WIPF1: variants seen among roughly 807,000 people sequenced by gnomAD.
WIPF1 encodes the protein WAS/WASL-interacting protein family member 1.
A neutral mutation model predicts 35.4 loss-of-function variants in WIPF1; 13 were observed. That is an observed-to-expected ratio of 0.37 (90% CI 0.24 to 0.58). The LOEUF (loss-of-function observed/expected upper bound fraction) is 0.58. WIPF1 is among the 20% of genes least tolerant of loss of function. WIPF1 has a pLI of 0.74. For missense variants in WIPF1, 591 were observed against 667.0 expected (o/e 0.89, Z 1.25); for synonymous variants, 267 against 266.3 (o/e 1.00, Z -0.02).
rs1307189297 is a variant in WIPF1 at position 174,581,084 on chromosome 2, T to C, written c.181+226A>G. ...TGAATAATGCAGAGAATTGCTGCTG[T>C]GTATGTCTTGGACAAAGAATTATTA... On this transcript the variant is annotated intron_variant, in intron 3 of 7. Coordinates refer to ENST00000679041, the MANE Select transcript of WIPF1 (RefSeq NM_001375834.1). The C allele has an allele frequency of 3.4e-5, 13 of 383,130 alleles. No individual in the cohort carries two copies. The East Asian group carries it at 6.6e-4, about 20-fold the overall frequency. 23.7% of individuals were successfully genotyped at this position (383,130 alleles called of 1,614,324 possible).
At chr2:174,665,741 A>G (rs1405069333) in intron 1 of WIPF1, 1 of 152,212 alleles carries the variant, frequency 6.6e-6, no homozygotes, top group East Asian at 1.9e-4. Context: ...CTGGGTCTCA[A>G]TGAAAAATGT....
At position 174,572,185 on chromosome 2, in the gene WIPF1, G is replaced by A. The variant is rs1366590317; in HGVS notation, c.620C>T (p.Pro207Leu). ...SPHNRGSPPV[P>L]GGPRQPSPGP... is the part of the protein sequence containing the mutation. ...GGGGCTGGGCTGCCTGGGGCCTCCG[G>A]GCACTGGTGGGGACCCCCGGTTGTG... The change falls in exon 5 of 8, where the codon CCC (proline) becomes CTC (leucine). Residue 207 changes from proline to leucine, a missense_variant. This residue lies in a region of WIPF1 where 471 missense variants were observed against 501.1 expected (regional missense o/e 0.94). Coordinates refer to ENST00000679041, the MANE Select transcript of WIPF1 (RefSeq NM_001375834.1). 1 of 1,613,994 alleles carries A rather than the reference G, an allele frequency of 6.2e-7. No homozygotes were observed. The highest frequency in any genetic ancestry group is 8.5e-7 in the Non-Finnish European group (1 of 1,180,012).
chr2:174,595,088 CAAA>C (rs57521272), intron 1 of WIPF1, among the ~76,000 whole-genome samples: 3 of 5,068 alleles, frequency 5.9e-4, no homozygotes, highest in East Asian at 0.015. Context: ...CTCATCTCTA[CAAA>C]AAAAAAAAAA....
chr2:174,648,793 A>G (rs960400645), intron 1 of WIPF1, among the ~76,000 whole-genome samples: 22 of 152,354 alleles, frequency 1.4e-4, no homozygotes, highest in African/African-American at 4.8e-4. Flanking sequence ...AAACACATCT[A>G]GCCTGATTAA....
intron 1 of WIPF1, among the ~76,000 whole-genome samples, chr2:174,605,220 A>G (rs6743223): frequency 0.48 from 73,402 of 152,014 alleles, 18,653 homozygotes; most frequent in East Asian, 0.92. Context: ...GGATCACAAT[A>G]TCAGGAGTTC....
chr2:174,581,707 T>G (rs188270133), intron 2 of WIPF1, among the ~76,000 whole-genome samples: 8 of 152,330 alleles, frequency 5.3e-5, no homozygotes, highest in Non-Finnish European at 2.9e-5. Flanking sequence ...ACAATCTGAC[T>G]GAAACTAACA....
rs11551322 is a variant in WIPF1, at chr2:174,572,155, G to A, written c.650C>T (p.Pro217Leu). The change falls in exon 5 of 8, where the codon CCC becomes CTC. Residue 217 changes from proline (P) to leucine (L), a missense_variant. Physicochemically the swap from Pro to Leu is moderately conservative, Grantham distance 98. Transcript: ENST00000679041. ...GTTTCCAGGGAAAGGGGGAGGAGTG[G>A]GCCCGGGGCTGGGCTGCCTGGGGCC... ...PGGPRQPSPG[P>L]TPPPFPGNRG... 311 of 1,613,364 alleles carry A rather than the reference G, an allele frequency of 1.9e-4. No homozygotes were observed. The highest frequency in any genetic ancestry group is 2.6e-4 in the Non-Finnish European group (308 of 1,179,714).
intron 1 of WIPF1, among the ~76,000 whole-genome samples, chr2:174,614,333 C>T (rs563757930): frequency 6.6e-6 from 1 of 152,254 alleles, no homozygotes; most frequent in African/African-American, 2.4e-5. Context: ...AAAGGCTTTT[C>T]GGATAGTCTC....
chr2:174,574,911 C>T, intron 4 of WIPF1: 1 of 717,158 alleles, frequency 1.4e-6, no homozygotes, highest in Non-Finnish European at 2.6e-6. Flanking sequence ...GTTCTATTTG[C>T]TCCTCCCTTT....
At chr2:174,636,145 A>C (rs115352429) in intron 1 of WIPF1, among the ~76,000 whole-genome samples, 1,741 of 152,334 alleles carry the variant, frequency 0.011, 42 homozygotes, top group African/African-American at 0.039. Context: ...AATACTACAT[A>C]GATGAAAAAT....
intron 1 of WIPF1, among the ~76,000 whole-genome samples, chr2:174,677,609 T>C (rs1298122920): frequency 2.0e-5 from 3 of 152,234 alleles, no homozygotes; most frequent in Non-Finnish European, 1.5e-5. Context: ...TTATCAAAGC[T>C]CCTAAACTAG....
chr2:174,668,369 C>A (rs1687937350), intron 1 of WIPF1, among the ~76,000 whole-genome samples: 1 of 152,150 alleles, frequency 6.6e-6, no homozygotes, highest in African/African-American at 2.4e-5. Context: ...TGCTTCCCTG[C>A]TCTAATGCTC....
intron 1 of WIPF1, among the ~76,000 whole-genome samples, chr2:174,671,118 T>G (rs1688009011): frequency 6.6e-6 from 1 of 152,236 alleles, no homozygotes; most frequent in African/African-American, 2.4e-5. Context: ...TTGCATGAAG[T>G]CAGGGACCCC....
chr2:174,598,288 G>A (rs950325725), upstream of WIPF1: 3 of 152,072 alleles, frequency 2.0e-5, no homozygotes, highest in Admixed American at 6.6e-5. Context: ...GAAGGCAAAT[G>A]AGGTTCTTTT....
chr2:174,642,650 T>G (rs1482855300), intron 1 of WIPF1, among the ~76,000 whole-genome samples: 3 of 138,312 alleles, frequency 2.2e-5, no homozygotes, highest in South Asian at 2.1e-4. Flanking sequence ...CCCGGCCTTT[T>G]TTGTTGTTGT....
intron 1 of WIPF1, among the ~76,000 whole-genome samples, chr2:174,637,855 C>T (rs1479593604): frequency 6.6e-6 from 1 of 152,210 alleles, no homozygotes; most frequent in Non-Finnish European, 1.5e-5. Context: ...GGCTTAATCC[C>T]AAGATGCATG....
intron 3 of WIPF1, among the ~76,000 whole-genome samples, chr2:174,577,554 T>A (rs1685098780): frequency 6.6e-6 from 1 of 152,230 alleles, no homozygotes; most frequent in Admixed American, 6.5e-5. Context: ...TGAAATTTTA[T>A]CAAATGCCTA....
At chr2:174,612,816 T>G (rs1412096679) in intron 1 of WIPF1, among the ~76,000 whole-genome samples, 1 of 152,218 alleles carries the variant, frequency 6.6e-6, no homozygotes, top group Non-Finnish European at 1.5e-5. Context: ...TTTCCTTATT[T>G]CCTCCTATTT....
At chr2:174,585,310 A>C (rs1685371027) in intron 2 of WIPF1, among the ~76,000 whole-genome samples, 1 of 152,146 alleles carries the variant, frequency 6.6e-6, no homozygotes, top group African/African-American at 2.4e-5. Flanking sequence ...CCCTTGTACT[A>C]TCCATCACAC....
Sources: gnomAD v4.1 joint callset for allele counts (sites outside exome capture counted in the v4.1 genomes callset) on GRCh38, gnomAD v4.1.1 for gene constraint, gnomAD v4.1.1 regional missense constraint, MANE v1.5 for transcripts, NCBI Gene and HGNC (gene_info 2026-07-23, HGNC 2026-07-21) for gene names.